The following SORBS2 variants were observed in gnomAD, a reference collection of about 807,000 sequenced individuals.
SORBS2 encodes sorbin and SH3 domain-containing protein 2.
In SORBS2, 46 loss-of-function variants were observed where a neutral mutation model predicts 97.7. The observed-to-expected ratio is 0.47, with a 90% CI of 0.37 to 0.60. The LOEUF is 0.60. SORBS2 is among the 20% of genes least tolerant of loss of function. The probability of loss-of-function intolerance (pLI) is 0.00; values close to 1 mark genes in which losing one functional copy is unlikely to be tolerated. For synonymous variants in SORBS2, 476 were observed against 473.4 expected (o/e 1.01, Z -0.07); for missense variants, 1,316 against 1,282.3 (o/e 1.03, Z -0.40).
intron 1 of SORBS2, among the ~76,000 whole-genome samples, chr4:185,879,122 T>G (rs1040739938): frequency 6.8e-6 from 1 of 147,942 alleles, no homozygotes; most frequent in Non-Finnish European, 1.5e-5. Flanking sequence ...GCTGCACCCA[T>G]TAACTCGCCA....
At chr4:185,800,303 A>C (rs1303315701) in intron 1 of SORBS2, among the ~76,000 whole-genome samples, 1 of 152,232 alleles carries the variant, frequency 6.6e-6, no homozygotes, top group Non-Finnish European at 1.5e-5. Flanking sequence ...CCTGCGTCAG[A>C]CTTTCTAAGT....
At chr4:185,710,077 C>T (rs893050596) in intron 2 of SORBS2, 12 of 152,164 alleles carry the variant, frequency 7.9e-5, no homozygotes, top group South Asian at 2.1e-4. Flanking sequence ...ACCAGGCCTC[C>T]GAATGTTGTT....
chr4:185,714,941 C>T (rs536295331), intron 2 of SORBS2, among the ~76,000 whole-genome samples: 1 of 150,504 alleles, frequency 6.6e-6, no homozygotes, highest in Admixed American at 6.6e-5. Flanking sequence ...AAAAGTTTCA[C>T]TTATCTTCAG....
intron 2 of SORBS2, among the ~76,000 whole-genome samples, chr4:185,727,746 C>T (rs964573366): frequency 6.6e-6 from 1 of 152,164 alleles, no homozygotes; most frequent in Non-Finnish European, 1.5e-5. Flanking sequence ...ACCAGGTTTG[C>T]TACACATTTT....
chr4:185,867,568 A>G (rs548452552), intron 1 of SORBS2, among the ~76,000 whole-genome samples: 1 of 152,204 alleles, frequency 6.6e-6, no homozygotes, highest in East Asian at 1.9e-4. Flanking sequence ...CAGAGGGAGG[A>G]ATGATCACAT....
At chr4:185,624,919 G>A (rs553415436) in intron 6 of SORBS2, among the ~76,000 whole-genome samples, 2 of 152,264 alleles carry the variant, frequency 1.3e-5, no homozygotes, top group African/African-American at 2.4e-5. Context: ...TAATAGGGCC[G>A]GAATTTGAGC....
intron 1 of SORBS2, among the ~76,000 whole-genome samples, chr4:185,862,336 G>C (rs2603735): frequency 0.46 from 70,100 of 152,056 alleles, 16,671 homozygotes; most frequent in African/African-American, 0.54. Flanking sequence ...TTTCAGTGAT[G>C]TGAAAAGCAA....
chr4:185,836,599 C>T (rs765342297), intron 1 of SORBS2, among the ~76,000 whole-genome samples: 9 of 147,456 alleles, frequency 6.1e-5, no homozygotes, highest in African/African-American at 1.5e-4. Context: ...ATTTTATCCC[C>T]GTGTCACACC....
Position 185,623,255 on chromosome 4 carries a change from G to A in SORBS2, c.1874C>T (p.Ala625Val). 1 of 1,614,090 alleles carries A rather than the reference G, an allele frequency of 6.2e-7. No individual in the cohort carries two copies. The highest frequency in any genetic ancestry group is 1.1e-5 in the South Asian group (1 of 91,072). The change falls in exon 7 of 15, where the codon GCA becomes GTA. Residue 625 changes from alanine to valine, a missense_variant. Ala to Val is a moderately conservative substitution (Grantham distance 64). Transcript: ENST00000418609. This position sits in a 1 kb window ranked among gnomAD's most constrained non-coding sequence, Gnocchi z 6.4. ...CTCAAACACAGATGCTTTACATTTT[G>A]CCTTTTCAGTCTGTTTCTTAGGAGC... is the stretch of plus-strand genomic sequence containing the variant.
chr4:185,939,565 C>T (rs766634607), intron 1 of SORBS2, among the ~76,000 whole-genome samples: 4 of 152,062 alleles, frequency 2.6e-5, no homozygotes, highest in African/African-American at 7.2e-5. Context: ...GGCTGGAGTG[C>T]GATGGCGCGA....
At chr4:185,815,604 A>C (rs914753868) in intron 1 of SORBS2, among the ~76,000 whole-genome samples, 5 of 152,168 alleles carry the variant, frequency 3.3e-5, no homozygotes, top group African/African-American at 1.2e-4. Context: ...ATTATCATCA[A>C]AGAATACATA....
chr4:185,844,852 C>T (rs139546695), intron 1 of SORBS2, among the ~76,000 whole-genome samples: 2 of 152,212 alleles, frequency 1.3e-5, no homozygotes, highest in African/African-American at 2.4e-5. Flanking sequence ...GAGTGAGACA[C>T]GAAAGACTAT....
chr4:185,720,113 G>A lies in SORBS2; in HGVS notation c.-197-41291C>T, dbSNP rs1046333233. On this transcript the variant is annotated intron_variant, in intron 2 of 20. Coordinates refer to the SORBS2 transcript ENST00000284776. ...CCTCTTGACCACCAAGGGAAGCCATGTTTAGCGCTGAGAAAGACAGAGCAA... is the reference window on the plus strand; with the variant it reads ...CCTCTTGACCACCAAGGGAAGCCATATTTAGCGCTGAGAAAGACAGAGCAA... Among the ~76,000 whole-genome samples, 4 of 152,228 alleles carry A rather than the reference G, an allele frequency of 2.6e-5. No homozygotes were observed. In the East Asian group the frequency reaches 7.7e-4, roughly 29 times the overall value.
chr4:185,891,866 G>T (rs999149781), intron 1 of SORBS2, among the ~76,000 whole-genome samples: 7 of 152,046 alleles, frequency 4.6e-5, no homozygotes, highest in African/African-American at 1.7e-4. Flanking sequence ...ACAGAGTCTT[G>T]CTCTGTCTCC....
chr4:185,608,543 G>A (rs2096475821), intron 12 of SORBS2, among the ~76,000 whole-genome samples: 1 of 152,098 alleles, frequency 6.6e-6, no homozygotes, highest in Non-Finnish European at 1.5e-5. Context: ...TATTACTGAT[G>A]TATTTTGGAT....
intron 4 of SORBS2, among the ~76,000 whole-genome samples, chr4:185,669,607 A>C (rs1233497141): frequency 6.6e-6 from 1 of 152,152 alleles, no homozygotes; most frequent in Non-Finnish European, 1.5e-5. Flanking sequence ...AAACTTAAAG[A>C]GTGACAAAAA....
intron 2 of SORBS2, among the ~76,000 whole-genome samples, chr4:185,752,432 C>T (rs1429867006): frequency 1.3e-5 from 2 of 152,148 alleles, no homozygotes; most frequent in Non-Finnish European, 2.9e-5. Flanking sequence ...CCCGCCACCA[C>T]ACCCAGCTAA....
chr4:185,774,472 A>T (rs551317326), intron 2 of SORBS2: 1 of 152,220 alleles, frequency 6.6e-6, no homozygotes. Flanking sequence ...ATCAAAGTAA[A>T]TGCTGTGTTT....
At position 185,683,556 on chromosome 4, in the gene SORBS2, T is replaced by A. The variant is rs192918027; in HGVS notation, c.-197-4734A>T. On this transcript the variant is annotated intron_variant, in intron 2 of 20. Transcript: ENST00000284776. ...ATCTGTAGTTTTTCTAACACCTTTT[T>A]ATGTTCATACGTGCATGAGCCACTA... is the stretch of plus-strand genomic sequence containing the variant. Among the ~76,000 whole-genome samples, 515 of 152,364 alleles carry A rather than the reference T, an allele frequency of 3.4e-3. 5 individuals are homozygous for A. The highest frequency in any genetic ancestry group is 0.012 in the African/African-American group (500 of 41,580).
Sources: allele counts gnomAD v4.1 joint callset (sites outside exome capture counted in the v4.1 genomes callset), GRCh38; gene constraint gnomAD v4.1.1; non-coding constraint Gnocchi (gnomAD v3.1); transcripts MANE v1.5; gene names NCBI Gene and HGNC (gene_info 2026-07-23, HGNC 2026-07-21).